The following NPC1 variants were observed in gnomAD, a reference collection of about 807,000 sequenced individuals.
NPC1 encodes the protein Niemann-Pick C1 protein.
In NPC1, 85 loss-of-function variants were observed where a neutral mutation model predicts 140.4. That is an observed-to-expected ratio of 0.61 (90% CI 0.51 to 0.72). The LOEUF is 0.72. Among genes scored for constraint, NPC1 ranks in the 30% least tolerant of loss-of-function variants. The pLI is 0.00. For synonymous variants in NPC1, 656 were observed against 624.8 expected (o/e 1.05, Z -0.74); for missense variants, 1,504 against 1,623.8 (o/e 0.93, Z 1.27).
intron 20 of NPC1, among the ~76,000 whole-genome samples, chr18:23,537,602 G>C (rs2058651014): frequency 6.6e-6 from 1 of 152,148 alleles, no homozygotes; most frequent in African/African-American, 2.4e-5. Context: ...CTGTAAATGG[G>C]TATACCACCA....
chr18:23,544,401 C>CGGGA lies in NPC1; in HGVS notation c.2069_2072dup (p.Phe692ProfsTer23). ...CCACTCCAACAGCCAGCACCAGGAACGGGATGACTTCAATCACAATGAGGG... is the reference window on the plus strand; with the variant it reads ...CCACTCCAACAGCCAGCACCAGGAACGGGAGGGATGACTTCAATCACAATGAGGG... On this transcript the variant is annotated frameshift_variant, in exon 13 of 25. Transcript: ENST00000269228. LOFTEE classifies it high-confidence loss of function. The CGGGA allele has an allele frequency of 6.2e-7, 1 of 1,614,166 alleles. No homozygotes were observed. The highest frequency in any genetic ancestry group is 8.5e-7 in the Non-Finnish European group (1 of 1,180,032).
chr18:23,529,983 T>C (rs769900781), downstream of NPC1: 1 of 1,524,644 alleles, frequency 6.6e-7, no homozygotes, highest in Non-Finnish European at 9.1e-7. Flanking sequence ...CTGTTGTAGC[T>C]GAATGATTTG....
chr18:23,576,555 T>G (rs1279610738), intron 1 of NPC1: 2 of 991,598 alleles, frequency 2.0e-6, no homozygotes, highest in Non-Finnish European at 2.4e-6. Context: ...TGGTGGGTTC[T>G]TGGTCTCACT....
Position 23,556,517 on chromosome 18 carries a change from C to A in NPC1, c.1052G>T (p.Gly351Val). The A allele has an allele frequency of 1.2e-6, 2 of 1,614,130 alleles. No individual in the cohort carries two copies. The highest frequency in any genetic ancestry group is 8.5e-7 in the Non-Finnish European group (1 of 1,180,028). Residue 351 changes from glycine (G) to valine (V), a missense_variant, in exon 8 of 25, where the codon GGC becomes GTC. Gly to Val is a moderately radical substitution (Grantham distance 109, BLOSUM62 -3). Transcript: ENST00000269228. ...GACCAGCGAGAAGAAAATGACACAG[C>A]CAGGGTTTCGGACGCAGAAAGACCC... ...RWGSFCVRNPGCVIFFSLVFI... is the reference protein window; with the variant it reads ...RWGSFCVRNPVCVIFFSLVFI...
Position 23,547,498 on chromosome 18 carries a change from T to C in NPC1, c.1757+508A>G, listed in dbSNP as rs56333552. ...GCTCACACCTGTAATCCCGGCACTT[T>C]GGGAGGCCGAGGAGGGTGAATCACC... On this transcript the variant is annotated intron_variant, in intron 11 of 24. Transcript: ENST00000269228. 2.4e-3 allele frequency among the ~76,000 whole-genome samples: 372 copies of C among 152,292 alleles called. 2 individuals are homozygous for C. Among genetic ancestry groups the C allele is most frequent in the African/African-American group, 8.5e-3 (355 of 41,558 alleles).
At chr18:23,564,378 T>C (rs1445250375) in intron 4 of NPC1, among the ~76,000 whole-genome samples, 2 of 152,192 alleles carry the variant, frequency 1.3e-5, no homozygotes, top group East Asian at 3.9e-4. Context: ...AGTCTCACTC[T>C]GTCACCCAGG....
At chr18:23,527,223 C>CCAA (rs1309036244), downstream of NPC1, among the ~76,000 whole-genome samples, 1 of 43,650 alleles carries the variant, frequency 2.3e-5, no homozygotes, top group Non-Finnish European at 5.2e-5. Flanking sequence ...CCTGTCTCTA[C>CCAA]AAAAAAAAAA....
chr18:23,539,726 C>T, intron 18 of NPC1, 85 bp downstream of exon 18: 1 of 1,425,208 alleles, frequency 7.0e-7, no homozygotes, highest in Non-Finnish European at 9.9e-7. Flanking sequence ...AGTCTATTTT[C>T]AGTGAGACAT....
chr18:23,566,276 G>A (rs1167231623), intron 4 of NPC1, among the ~76,000 whole-genome samples: 1 of 152,010 alleles, frequency 6.6e-6, no homozygotes, highest in African/African-American at 2.4e-5. Flanking sequence ...ATATGCCTGT[G>A]GTTCCAACTA....
chr18:23,560,417 T>C lies in NPC1; in HGVS notation c.695A>G (p.Asp232Gly), dbSNP rs201956601. Residue 232 changes from aspartate (D) to glycine (G), a missense_variant, in exon 6 of 25, where the codon GAT (aspartate) becomes GGT (glycine). By Grantham distance (94) the Asp-to-Gly change is moderately conservative. Transcript: ENST00000269228. ...NATKGCDESVDEVTAPCSCQD... is the reference protein window; with the variant it reads ...NATKGCDESVGEVTAPCSCQD... Reference sequence around the variant, plus strand: ...GCAGCTACATGGTGCTGTGACCTCATCCACAGACTCGTCACAGCCTTTGGT... The same window carrying C: ...GCAGCTACATGGTGCTGTGACCTCACCCACAGACTCGTCACAGCCTTTGGT... 23 of 1,614,166 alleles carry C rather than the reference T, an allele frequency of 1.4e-5. No homozygotes were observed. The Admixed American group carries it at 3.0e-4, about 21-fold the overall frequency.
chr18:23,576,584 G>A (rs139936942), intron 1 of NPC1: 146 of 651,184 alleles, frequency 2.2e-4, no homozygotes, highest in African/African-American at 5.1e-4. Flanking sequence ...GAATGAAGCC[G>A]CGGACCCTGG....
At chr18:23,580,935 G>A (rs996766867) in intron 1 of NPC1, among the ~76,000 whole-genome samples, 1 of 152,228 alleles carries the variant, frequency 6.6e-6, no homozygotes, top group Non-Finnish European at 1.5e-5. Flanking sequence ...AGCCAACCTG[G>A]CATGAACGTA....
Position 23,532,083 on chromosome 18 carries a change from C to T in NPC1, c.*119G>A, listed in dbSNP as rs2058529165. On this transcript the variant is annotated 3_prime_UTR_variant, in exon 25 of 25. Coordinates refer to ENST00000269228, the MANE Select transcript of NPC1 (RefSeq NM_000271.5). Reference sequence around the variant, plus strand: ...CAGGCGCTACGTTCAAAGCTGCTGCCAAACAACCGATGGTTGGCACCATCC... The same window carrying T: ...CAGGCGCTACGTTCAAAGCTGCTGCTAAACAACCGATGGTTGGCACCATCC... 1 of 1,611,068 alleles carries T rather than the reference C, an allele frequency of 6.2e-7. No individual in the cohort carries two copies. The highest frequency in any genetic ancestry group is 1.7e-5 in the Admixed American group (1 of 59,790).
intron 1 of NPC1, among the ~76,000 whole-genome samples, chr18:23,574,016 C>T (rs1370939093): frequency 6.6e-6 from 1 of 152,058 alleles, no homozygotes; most frequent in African/African-American, 2.4e-5. Context: ...ACATGAAGAA[C>T]AAAACAACAA....
chr18:23,534,116 C>G (rs1332898524), intron 23 of NPC1: 1 of 476,062 alleles, frequency 2.1e-6, no homozygotes, highest in African/African-American at 2.0e-5. Context: ...ACCAAGACGA[C>G]TCTCCAGGCA....
At chr18:23,511,912 A>G (rs1013616024) in intron 3 of NPC1, among the ~76,000 whole-genome samples, 2 of 151,814 alleles carry the variant, frequency 1.3e-5, no homozygotes, top group African/African-American at 2.4e-5. Flanking sequence ...TCTTCTAGAC[A>G]TGTGTATTTT....
intron 22 of NPC1, 99 bp downstream of exon 22, chr18:23,535,370 A>G (rs975837250): frequency 2.6e-5 from 23 of 877,868 alleles, no homozygotes; most frequent in Middle Eastern, 2.1e-4. Flanking sequence ...CAGACTTGGT[A>G]TCTTACTCCA....
intron 20 of NPC1, among the ~76,000 whole-genome samples, 163 bp from the exon 21 acceptor site, chr18:23,537,039 A>C (rs1368251142): frequency 6.6e-6 from 1 of 152,076 alleles, no homozygotes. Flanking sequence ...GGAACACCAA[A>C]GGTTTAGCTT....
intron 1 of NPC1, among the ~76,000 whole-genome samples, chr18:23,573,960 A>G (rs2145553961): frequency 6.6e-6 from 1 of 152,326 alleles, no homozygotes; most frequent in Middle Eastern, 3.4e-3. Context: ...ATGAAAGAAT[A>G]TTTCCATATG....
Sources: gnomAD v4.1 joint callset for allele counts (sites outside exome capture counted in the v4.1 genomes callset) on GRCh38, gnomAD v4.1.1 for gene constraint, MANE v1.5 for transcripts, NCBI Gene and HGNC (gene_info 2026-07-23, HGNC 2026-07-21) for gene names.